The following FUT1 variants were observed in gnomAD, a reference collection of about 807,000 sequenced individuals.
The protein encoded by FUT1 is fucosyltransferase 1 (H blood group).
For missense variants in FUT1, 476 were observed against 492.7 expected, an observed-to-expected ratio of 0.97 and a Z score of 0.32; for synonymous variants, 215 against 208.7, an observed-to-expected ratio of 1.03 and a Z score of -0.26.
Position 48,750,582 on chromosome 19 carries a change from C to A in FUT1, c.700G>T (p.Gly234Cys), listed in dbSNP as rs757082412. Residue 234 changes from glycine (G) to cysteine (C), a missense_variant, in exon 2 of 2, where the codon GGT becomes TGT. Gly to Cys is a radical substitution (Grantham distance 159). Coordinates refer to ENST00000645652, the MANE Select transcript of FUT1 (RefSeq NM_001384359.1). Reference sequence around the variant, plus strand: ...AGGTAGGCGCTGTCGCCCACCACACCCTTCCAGCGCTGAGGCATAACCTGC... The same window carrying A: ...AGGTAGGCGCTGTCGCCCACCACACACTTCCAGCGCTGAGGCATAACCTGC... ...YLQVMPQRWK[G>C]VVGDSAYLRQ... is the part of the protein sequence containing the mutation. The A allele has an allele frequency of 1.2e-6, 2 of 1,611,536 alleles. No individual in the cohort carries two copies. Among genetic ancestry groups the A allele is most frequent in the Non-Finnish European group, 1.7e-6 (2 of 1,180,014 alleles).
Position 48,750,993 on chromosome 19 carries a change from C to T in FUT1, c.289G>A (p.Ala97Thr). Reference protein sequence around the residue: ...GRFGNQMGQYATLLALAQLNG... With the variant: ...GRFGNQMGQYTTLLALAQLNG... ...AGCTGGGCCAGAGCCAGCAGCGTGG[C>T]ATACTGTCCCATCTGATTACCAAAC... Residue 97 changes from alanine (A) to threonine (T), a missense_variant, in exon 2 of 2, where the codon GCC (alanine) becomes ACC (threonine). Coordinates refer to ENST00000645652, the MANE Select transcript of FUT1 (RefSeq NM_001384359.1). The T allele has an allele frequency of 6.3e-7, 1 of 1,592,938 alleles. No individual in the cohort carries two copies. The highest frequency in any genetic ancestry group is 8.6e-7 in the Non-Finnish European group (1 of 1,168,142).
upstream of FUT1, among the ~76,000 whole-genome samples, chr19:48,755,074 T>C (rs1265132275): frequency 2.4e-5 from 3 of 125,330 alleles, no homozygotes; most frequent in East Asian, 2.6e-4. Flanking sequence ...TCCAGATCCC[T>C]AGCCCCTACT....
upstream of FUT1, among the ~76,000 whole-genome samples, chr19:48,754,028 CA>C (rs1316943652): frequency 6.6e-6 from 1 of 151,798 alleles, no homozygotes; most frequent in East Asian, 1.9e-4. Flanking sequence ...ACTAAAAATA[CA>C]AAAAATTATC....
chr19:48,752,608 G>C lies in FUT1; in HGVS notation c.-121C>G. 1.0e-6 allele frequency: 1 copy of C among 985,446 alleles called. No homozygotes were observed. The highest frequency in any genetic ancestry group is 1.2e-6 in the Non-Finnish European group (1 of 829,936). The allele number at this position is 985,446 out of a possible 1,614,324, so 61.0% of individuals were successfully genotyped here. Reference sequence around the variant, plus strand: ...CGCCAGGCGTCCGGCTATCCGGCCCGGCAGCCCTCCCCTCCGCGCAGCCTG... The same window carrying C: ...CGCCAGGCGTCCGGCTATCCGGCCCCGCAGCCCTCCCCTCCGCGCAGCCTG... On this transcript the variant is annotated 5_prime_UTR_variant, in exon 1 of 2. Coordinates refer to ENST00000645652, the MANE Select transcript of FUT1 (RefSeq NM_001384359.1). This position sits in a 1 kb window ranked among gnomAD's most constrained non-coding sequence, Gnocchi z 4.3.
upstream of FUT1, chr19:48,752,976 C>T (rs928961338): frequency 6.2e-5 from 53 of 848,006 alleles, no homozygotes; most frequent in Non-Finnish European, 7.5e-5. The surrounding 1 kb of genome is among the most constrained non-coding windows in gnomAD (Gnocchi z 4.3). Flanking sequence ...AGGTCCAATC[C>T]GCCGCCCTCT....
rs761264002 is a variant in FUT1 at position 48,751,261 on chromosome 19, A to ACGATGG, written c.15_20dup (p.His6_Arg7dup). ...CTAGCAGGAAGGCCAGGCAGAGCTG[A>ACGATGG]CGATGGCTCCGGAGCCACATGGCTG... On this transcript the variant is annotated inframe_insertion, in exon 2 of 2. Coordinates refer to ENST00000645652, the MANE Select transcript of FUT1 (RefSeq NM_001384359.1). The ACGATGG allele has an allele frequency of 8.9e-4, 1,437 of 1,614,108 alleles. No individual in the cohort carries two copies. The highest frequency in any genetic ancestry group is 1.2e-3 in the Non-Finnish European group (1,361 of 1,180,012).
At chr19:48,752,720 G>A (rs1411930221), upstream of FUT1, 2 of 985,300 alleles carry the variant, frequency 2.0e-6, no homozygotes, top group East Asian at 1.1e-4. This position sits in a 1 kb window ranked among gnomAD's most constrained non-coding sequence, Gnocchi z 4.3. Context: ...CGGGCCGGGC[G>A]GATGGCTGGA....
rs1001923922 is a variant in FUT1, at chr19:48,752,148, G to T, written c.-3+342C>A. The stretch of plus-strand genomic sequence containing the variant: ...AAAAAAAAAAAAGAAAGTGGTCCAG[G>T]TTCCTACACCTTTCCTGAAGGAATC... On this transcript the variant is annotated intron_variant, in intron 1 of 1. Coordinates refer to ENST00000645652, the MANE Select transcript of FUT1 (RefSeq NM_001384359.1). This position sits in a 1 kb window ranked among gnomAD's most constrained non-coding sequence, Gnocchi z 4.3. Among the ~76,000 whole-genome samples, 1 of 149,674 alleles carries T rather than the reference G, an allele frequency of 6.7e-6. No individual in the cohort carries two copies. The highest frequency in any genetic ancestry group is 1.5e-5 in the Non-Finnish European group (1 of 67,638).
rs2034021581 is a variant in FUT1, at chr19:48,752,595, G to A, written c.-108C>T. On this transcript the variant is annotated 5_prime_UTR_variant, in exon 1 of 2. Coordinates refer to ENST00000645652, the MANE Select transcript of FUT1 (RefSeq NM_001384359.1). This position sits in a 1 kb window ranked among gnomAD's most constrained non-coding sequence, Gnocchi z 4.3. ...GCCGCCCCTGGAACGCCAGGCGTCC[G>A]GCTATCCGGCCCGGCAGCCCTCCCC... is the stretch of plus-strand genomic sequence containing the variant. 1.0e-6 allele frequency: 1 copy of A among 985,452 alleles called. No individual in the cohort carries two copies. Among genetic ancestry groups the A allele is most frequent in the Non-Finnish European group, 1.2e-6 (1 of 829,924 alleles). 61.0% of individuals were successfully genotyped at this position (985,452 alleles called of 1,614,324 possible).
rs772282504 is a variant in FUT1 at position 48,751,271 on chromosome 19, C to T, written c.11G>A (p.Arg4Gln). The change falls in exon 2 of 2, where the codon CGG becomes CAG. Residue 4 changes from arginine to glutamine, a missense_variant. Arg to Gln is a conservative substitution (Grantham distance 43). Transcript: ENST00000645652. ...GGCCAGGCAGAGCTGACGATGGCTC[C>T]GGAGCCACATGGCTGCAGGGGAGGA... is the stretch of plus-strand genomic sequence containing the variant. Reference protein sequence around the residue: MWLRSHRQLCLAFL... With the variant: MWLQSHRQLCLAFL... 6.2e-7 allele frequency: 1 copy of T among 1,613,594 alleles called. No homozygotes were observed. The highest frequency in any genetic ancestry group is 1.1e-5 in the South Asian group (1 of 91,076).
At position 48,748,653 on chromosome 19, in the gene FUT1, C is replaced by T. The variant is rs778050752; in HGVS notation, c.*1531G>A. ...CCACGTTCACATTTTAGCCTGTCTG[C>T]TCAAAACAAACAAAAAAAAGTCTTT... On this transcript the variant is annotated 3_prime_UTR_variant, in exon 2 of 2. Transcript: ENST00000645652. 4 of 152,308 alleles carry T rather than the reference C, an allele frequency of 2.6e-5. No homozygotes were observed. Among genetic ancestry groups the T allele is most frequent in the Non-Finnish European group, 5.9e-5 (4 of 68,042 alleles). The allele number at this position is 152,308 out of a possible 1,614,324, so 9.4% of individuals were successfully genotyped here.
At chr19:48,754,036 T>C (rs569175563), upstream of FUT1, among the ~76,000 whole-genome samples, 81 of 151,726 alleles carry the variant, frequency 5.3e-4, 1 homozygote, top group African/African-American at 1.8e-3. Context: ...TACAAAAAAT[T>C]ATCCGGGCGC....
rs751831069 is a variant in FUT1, at chr19:48,750,493, G to T, written c.789C>A (p.Asn263Lys). 23 of 1,613,982 alleles carry T rather than the reference G, an allele frequency of 1.4e-5. No homozygotes were observed. The Admixed American group carries it at 3.8e-4, about 27-fold the overall frequency. Reference sequence around the variant, plus strand: ...TGTTTTCTTTACACCACTCCATGCCGTTGCTGGTGACCACGAAAACGGGGG... The same window carrying T: ...TGTTTTCTTTACACCACTCCATGCCTTTGCTGGTGACCACGAAAACGGGGG... ...HEAPVFVVTS[N>K]GMEWCKENID... Residue 263 changes from asparagine to lysine, a missense_variant, in exon 2 of 2, where the codon AAC becomes AAA. Asn to Lys is a moderately conservative substitution (Grantham distance 94). Transcript: ENST00000645652.
rs1399735219 is a variant in FUT1, at chr19:48,751,047, C to T, written c.235G>A (p.Gly79Ser). 5 of 1,598,622 alleles carry T rather than the reference C, an allele frequency of 3.1e-6. No homozygotes were observed. The African/African-American group carries it at 4.0e-5, about 13-fold the overall frequency. ...SCPQHPASLS[G>S]TWTVYPNGRF... The stretch of plus-strand genomic sequence containing the variant: ...CCATTGGGGTAGACAGTCCAGGTGC[C>T]GGAGAGGGAAGCAGGGTGCTGGGGA... Residue 79 changes from glycine (G) to serine (S), a missense_variant, in exon 2 of 2, where the codon GGC (glycine) becomes AGC (serine). Physicochemically the swap from Gly to Ser is moderately conservative, Grantham distance 56. Coordinates refer to ENST00000645652, the MANE Select transcript of FUT1 (RefSeq NM_001384359.1).
At position 48,751,088 on chromosome 19, in the gene FUT1, T is replaced by G. The variant is rs753532548; in HGVS notation, c.194A>C (p.Asn65Thr). 3.1e-6 allele frequency: 5 copies of G among 1,611,634 alleles called. No individual in the cohort carries two copies. The highest frequency in any genetic ancestry group is 4.2e-6 in the Non-Finnish European group (5 of 1,178,180). The change falls in exon 2 of 2, where the codon AAC (asparagine) becomes ACC (threonine). Residue 65 changes from asparagine (N) to threonine (T), a missense_variant. Coordinates refer to ENST00000645652, the MANE Select transcript of FUT1 (RefSeq NM_001384359.1). Reference protein sequence around the residue: ...FCLPGTAMGPNASSSCPQHPA... With the variant: ...FCLPGTAMGPTASSSCPQHPA... ...GTGCTGGGGACAGGAAGAGGAGGCGTTGGGGCCCATCGCAGTACCCGGCAG... is the reference window on the plus strand; with the variant it reads ...GTGCTGGGGACAGGAAGAGGAGGCGGTGGGGCCCATCGCAGTACCCGGCAG...
chr19:48,752,996 T>G, upstream of FUT1: 1 of 731,926 alleles, frequency 1.4e-6, no homozygotes, highest in Non-Finnish European at 1.7e-6. This position sits in a 1 kb window ranked among gnomAD's most constrained non-coding sequence, Gnocchi z 4.3. Context: ...TCTCTTCCGG[T>G]GCCAGGGCTT....
At chr19:48,753,437 G>A (rs1344305133), upstream of FUT1, 3 of 152,314 alleles carry the variant, frequency 2.0e-5, no homozygotes, top group Non-Finnish European at 2.9e-5. Context: ...AAAGGCCTCT[G>A]CCCGCTTGTC....
rs747118729 is a variant in FUT1, at chr19:48,750,296, G to T, written c.986C>A (p.Thr329Asn). 4 of 1,614,200 alleles carry T rather than the reference G, an allele frequency of 2.5e-6. No homozygotes were observed. The highest frequency in any genetic ancestry group is 2.7e-5 in the African/African-American group (2 of 75,066). The change falls in exon 2 of 2, where the codon ACC becomes AAC. Residue 329 changes from threonine to asparagine, a missense_variant. Thr to Asn is a moderately conservative substitution (Grantham distance 65). Coordinates refer to ENST00000645652, the MANE Select transcript of FUT1 (RefSeq NM_001384359.1). ...CTTCAGGAACTCAGAGTCTGGCAGG[G>T]TGAAGTTGGCCAGGTAGACAGTGTC... The part of the protein sequence containing the change: ...GGDTVYLANF[T>N]LPDSEFLKIF...
rs1568490886 is a variant in FUT1 at position 48,751,093 on chromosome 19, G to GC, written c.188dup (p.Asn65GlnfsTer27). The GC allele has an allele frequency of 6.2e-7, 1 of 1,612,274 alleles. No homozygotes were observed. Among genetic ancestry groups the GC allele is most frequent in the South Asian group, 1.1e-5 (1 of 91,030 alleles). On this transcript the variant is annotated frameshift_variant, in exon 2 of 2. Coordinates refer to ENST00000645652, the MANE Select transcript of FUT1 (RefSeq NM_001384359.1). LOFTEE classifies it low-confidence loss of function (END_TRUNC). Reference sequence around the variant, plus strand: ...GGGGACAGGAAGAGGAGGCGTTGGGGCCCATCGCAGTACCCGGCAGGCAGA... The same window carrying GC: ...GGGGACAGGAAGAGGAGGCGTTGGGGCCCCATCGCAGTACCCGGCAGGCAGA...
Sources: gnomAD v4.1 joint callset for allele counts (sites outside exome capture counted in the v4.1 genomes callset) on GRCh38, gnomAD v4.1.1 for gene constraint, Gnocchi (gnomAD v3.1) non-coding constraint, MANE v1.5 for transcripts, NCBI Gene and HGNC (gene_info 2026-07-23, HGNC 2026-07-21) for gene names.